ITGAX: variants seen among roughly 807,000 people sequenced by gnomAD.
ITGAX encodes integrin subunit alpha X.
In ITGAX, 99 loss-of-function variants were observed where a neutral mutation model predicts 140.2. That is an observed-to-expected ratio of 0.71 (90% CI 0.60 to 0.83). The LOEUF (loss-of-function observed/expected upper bound fraction) is 0.83, where lower values mean the gene tolerates loss of function less well. ITGAX is among the 40% of genes least tolerant of loss of function. The pLI is 0.00. For synonymous variants in ITGAX, 631 were observed against 600.4 expected, an observed-to-expected ratio of 1.05 and a Z score of -0.75; for missense variants, 1,444 against 1,482.0, an observed-to-expected ratio of 0.97 and a Z score of 0.42.
In ITGAX at chr16:31,374,992, T is replaced by G. The variant is rs1408647048; in HGVS notation, c.2508+1602T>G. Among the ~76,000 whole-genome samples, 3 of 151,840 alleles carry G rather than the reference T, an allele frequency of 2.0e-5. No homozygotes were observed. The East Asian group carries it at 5.8e-4, about 30-fold the overall frequency. ...GAGTGGGTTTCCTTCCTTCCTTTCTTCTTTCTTTTTCTTTCTTTCTTTTCC... is the reference window on the plus strand; with the variant it reads ...GAGTGGGTTTCCTTCCTTCCTTTCTGCTTTCTTTTTCTTTCTTTCTTTTCC... On this transcript the variant is annotated intron_variant, in intron 20 of 29. Transcript: ENST00000268296.
In ITGAX at chr16:31,379,841, G is replaced by C. The variant is rs1170248367; in HGVS notation, c.2953G>C (p.Asp985His). Residue 985 changes from aspartate to histidine, a missense_variant, in exon 25 of 30, where the codon GAT becomes CAT. Coordinates refer to ENST00000268296, the MANE Select transcript of ITGAX (RefSeq NM_000887.5). Reference sequence around the variant, plus strand: ...GCTGAACCAGGAGGCTGTGTGGATGGATGTGGAGGTCTCCCACCCCCAGGT... The same window carrying C: ...GCTGAACCAGGAGGCTGTGTGGATGCATGTGGAGGTCTCCCACCCCCAGGT... ...VELNQEAVWM[D>H]VEVSHPQNPS... 6.2e-7 allele frequency: 1 copy of C among 1,614,050 alleles called. No individual in the cohort carries two copies. Among genetic ancestry groups the C allele is most frequent in the Non-Finnish European group, 8.5e-7 (1 of 1,180,020 alleles).
At position 31,372,366 on chromosome 16, in the gene ITGAX, C is replaced by A; in HGVS notation, c.2161-12C>A. 1 of 1,591,462 alleles carries A rather than the reference C, an allele frequency of 6.3e-7. No homozygotes were observed. Among genetic ancestry groups the A allele is most frequent in the South Asian group, 1.1e-5 (1 of 87,950 alleles). On this transcript the variant is annotated splice_polypyrimidine_tract_variant and intron_variant, in intron 17 of 29. Transcript: ENST00000268296. ...CCCTTACCCTCCGCTCCCCGCGACG[C>A]CCGTCCCCCAGAGCTGCGTGGAGGA...
At chr16:31,377,514 A>T (rs1394142359) in intron 23 of ITGAX, among the ~76,000 whole-genome samples, 1 of 152,174 alleles carries the variant, frequency 6.6e-6, no homozygotes, top group Non-Finnish European at 1.5e-5. Flanking sequence ...AGCCCCCATT[A>T]TGTGTGATCA....
At chr16:31,367,638 T>C (rs1268197538) in intron 14 of ITGAX, among the ~76,000 whole-genome samples, 1 of 152,198 alleles carries the variant, frequency 6.6e-6, no homozygotes, top group Non-Finnish European at 1.5e-5. Flanking sequence ...AAAAATAGAT[T>C]TCTTTCCAAA....
In ITGAX at chr16:31,363,347, A is replaced by C; in HGVS notation, c.1683A>C (p.Gly561=). Residue 561 remains glycine (G), a synonymous_variant, in exon 14 of 30, where the codon GGA becomes GGC. Transcript: ENST00000268296. ...TCTACCTGTTTCACGGAGTCTTGGG[A>C]CCCAGCATCAGCCCCTCCCACAGCC... ...GAVYLFHGVL[G]PSISPSHSQR... The C allele has an allele frequency of 6.2e-7, 1 of 1,612,642 alleles. No homozygotes were observed. The highest frequency in any genetic ancestry group is 1.7e-5 in the Admixed American group (1 of 59,908).
chr16:31,363,543 T>C (rs1216318113), intron 14 of ITGAX, among the ~76,000 whole-genome samples, 169 bp downstream of exon 14: 1 of 152,196 alleles, frequency 6.6e-6, no homozygotes, highest in Non-Finnish European at 1.5e-5. Flanking sequence ...GCCTCCCAGG[T>C]TCAAGCGATT....
At chr16:31,369,592 C>T (rs2080934706) in intron 14 of ITGAX, among the ~76,000 whole-genome samples, 1 of 152,206 alleles carries the variant, frequency 6.6e-6, no homozygotes, top group African/African-American at 2.4e-5. Flanking sequence ...TCAGGCAAGA[C>T]CCTCCACCAG....
intron 22 of ITGAX, 38 bp from the exon 23 acceptor site, chr16:31,377,144 T>C: frequency 1.2e-6 from 2 of 1,611,950 alleles, no homozygotes; most frequent in South Asian, 1.1e-5. Context: ...TCTCCTCCTC[T>C]GGGGCCTCTG....
chr16:31,382,493 C>A lies in ITGAX; in HGVS notation c.*586C>A. The A allele has an allele frequency of 6.7e-7, 1 of 1,502,652 alleles. No homozygotes were observed. Among genetic ancestry groups the A allele is most frequent in the Non-Finnish European group, 9.0e-7 (1 of 1,116,342 alleles). The allele number at this position is 1,502,652 out of a possible 1,614,324, so 93.1% of individuals were successfully genotyped here. A position where few individuals can be genotyped will look rare whatever the true frequency, so the allele number is the denominator to read the frequency against. ...CTCCCCATTACCCTCAGGACAATGTCTGAACTCTCCAGCTTCGCGTGAGAA... is the reference window on the plus strand; with the variant it reads ...CTCCCCATTACCCTCAGGACAATGTATGAACTCTCCAGCTTCGCGTGAGAA... On this transcript the variant is annotated 3_prime_UTR_variant, in exon 30 of 30. Coordinates refer to ENST00000268296, the MANE Select transcript of ITGAX (RefSeq NM_000887.5).
At chr16:31,364,834 C>T (rs1263261119) in intron 14 of ITGAX, among the ~76,000 whole-genome samples, 2 of 142,900 alleles carry the variant, frequency 1.4e-5, no homozygotes, top group South Asian at 2.4e-4. Context: ...ACAGTGAAAC[C>T]CCATCTCTAC....
intron 12 of ITGAX, 63 bp from the exon 13 acceptor site, chr16:31,362,869 TGGG>T (rs2080847954): frequency 6.2e-7 from 1 of 1,606,010 alleles, no homozygotes; most frequent in Admixed American, 1.7e-5. Flanking sequence ...TGGGGAGAGG[TGGG>T]ACCTGGCCCA....
Position 31,360,483 on chromosome 16 carries a change from C to T in ITGAX, c.861+20C>T. The T allele has an allele frequency of 6.3e-7, 1 of 1,581,622 alleles. No individual in the cohort carries two copies. The highest frequency in any genetic ancestry group is 8.6e-7 in the Non-Finnish European group (1 of 1,163,298). On this transcript the variant is annotated intron_variant, in intron 8 of 29. Transcript: ENST00000268296. ...ATTGGGGTAGGGCGTGGGATGGCTT[C>T]CCACTTCTCCCACGGCTTCCTCTCA...
intron 17 of ITGAX, 35 bp from the exon 18 acceptor site, chr16:31,372,343 C>T (rs1268461312): frequency 5.1e-6 from 8 of 1,581,228 alleles, no homozygotes; most frequent in Non-Finnish European, 6.8e-6. Context: ...TTACCCTCCC[C>T]TTACCCTCCG....
intron 9 of ITGAX, 189 bp downstream of exon 9, chr16:31,361,402 GC>G: frequency 1.4e-6 from 1 of 732,846 alleles, no homozygotes. Flanking sequence ...CCCCAAAGTG[GC>G]CCCAGGGATG....
chr16:31,364,020 G>A (rs558208340), intron 14 of ITGAX, among the ~76,000 whole-genome samples: 1 of 152,044 alleles, frequency 6.6e-6, no homozygotes, highest in East Asian at 1.9e-4. Flanking sequence ...TGCCATCAAG[G>A]TCCCACCAAA....
In ITGAX at chr16:31,371,752, G is replaced by A. The variant is rs755302204; in HGVS notation, c.2128G>A (p.Ala710Thr). ...LSRVRVLGLK[A>T]HCENFNLLLP... is the part of the protein sequence containing the mutation. ...CCGAGTCCGAGTCCTCGGGCTGAAGGCACACTGTGAAAACTTCAACCTGCT... is the reference window on the plus strand; with the variant it reads ...CCGAGTCCGAGTCCTCGGGCTGAAGACACACTGTGAAAACTTCAACCTGCT... The change falls in exon 17 of 30, where the codon GCA becomes ACA. Residue 710 changes from alanine to threonine, a missense_variant. Ala to Thr is a moderately conservative substitution (Grantham distance 58, BLOSUM62 0). Coordinates refer to ENST00000268296, the MANE Select transcript of ITGAX (RefSeq NM_000887.5). 1 of 1,614,074 alleles carries A rather than the reference G, an allele frequency of 6.2e-7. No individual in the cohort carries two copies. The highest frequency in any genetic ancestry group is 1.1e-5 in the South Asian group (1 of 91,080).
intron 20 of ITGAX, among the ~76,000 whole-genome samples, chr16:31,375,531 T>C (rs1025500857): frequency 3.3e-5 from 5 of 152,240 alleles, no homozygotes; most frequent in Non-Finnish European, 7.3e-5. Context: ...ACACACTCTA[T>C]AGTTCTGAAC....
In ITGAX at chr16:31,379,553, G is replaced by T; in HGVS notation, c.2790-15G>T. On this transcript the variant is annotated splice_polypyrimidine_tract_variant and intron_variant, in intron 23 of 29. Coordinates refer to ENST00000268296, the MANE Select transcript of ITGAX (RefSeq NM_000887.5). ...CATGGTAGTTCACATCCACTTATGCGTCTTCTCTCTCCAGCCACGAACAAT... is the reference window on the plus strand; with the variant it reads ...CATGGTAGTTCACATCCACTTATGCTTCTTCTCTCTCCAGCCACGAACAAT... 2 of 1,556,090 alleles carry T rather than the reference G, an allele frequency of 1.3e-6. No individual in the cohort carries two copies. Among genetic ancestry groups the T allele is most frequent in the Non-Finnish European group, 1.7e-6 (2 of 1,148,780 alleles).
chr16:31,371,854 G>A, intron 17 of ITGAX, 70 bp downstream of exon 17: 5 of 1,561,454 alleles, frequency 3.2e-6, no homozygotes, highest in South Asian at 1.2e-5. Context: ...GGAGAGAACA[G>A]GCTGTGTTCC....
Sources: gnomAD v4.1 joint callset for allele counts (sites outside exome capture counted in the v4.1 genomes callset) on GRCh38, gnomAD v4.1.1 for gene constraint, MANE v1.5 for transcripts, NCBI Gene and HGNC (gene_info 2026-07-23, HGNC 2026-07-21) for gene names.